The following ZNF469 variants were observed in gnomAD, a reference collection of about 807,000 sequenced individuals.
The protein encoded by ZNF469 is zinc finger protein 469.
In ZNF469, 1 loss-of-function variant was observed where a neutral mutation model predicts 1.0. The observed-to-expected ratio is 1.00, with a 90% CI of 0.35 to 4.73. The LOEUF (loss-of-function observed/expected upper bound fraction) is 4.73. Among genes scored for constraint, ZNF469 ranks in the 30% most tolerant of loss-of-function variants. The probability of loss-of-function intolerance (pLI) is 0.16; values close to 1 mark genes in which losing one functional copy is unlikely to be tolerated. For synonymous variants in ZNF469, 2,703 were observed against 2,363.4 expected (o/e 1.14, Z -4.17); for missense variants, 6,100 against 5,356.3 (o/e 1.14, Z -4.33).
At chr16:88,126,746 C>T in the ZNF469 span, among the ~76,000 whole-genome samples, 301 of 152,006 alleles carry the variant, frequency 2.0e-3, 3 homozygotes, top group African/African-American at 6.8e-3. Context: ...GTCTGTCCCC[C>T]GGGTTCAAGC....
chr16:88,124,004 T>C, the ZNF469 span, among the ~76,000 whole-genome samples: 1 of 152,146 alleles, frequency 6.6e-6, no homozygotes, highest in East Asian at 1.9e-4. Context: ...GGTTTCTCCA[T>C]CTTGGTCAGG....
chr16:88,242,536 C>A, the ZNF469 span, among the ~76,000 whole-genome samples: 1 of 152,216 alleles, frequency 6.6e-6, no homozygotes, highest in African/African-American at 2.4e-5. Context: ...ACCTGAGTCA[C>A]CTCTCTAAGC....
chr16:88,423,894 G>C (rs1282223560), intron 1 of ZNF469, among the ~76,000 whole-genome samples: 1 of 152,264 alleles, frequency 6.6e-6, no homozygotes, highest in Non-Finnish European at 1.5e-5. Flanking sequence ...AGCATATTCT[G>C]TTCATTAGCA....
In ZNF469 at chr16:88,437,230, G is replaced by C; in HGVS notation, c.9760G>C (p.Asp3254His). 2 of 1,549,236 alleles carry C rather than the reference G, an allele frequency of 1.3e-6. No individual in the cohort carries two copies. The highest frequency in any genetic ancestry group is 2.4e-5 in the South Asian group (2 of 84,006). Residue 3254 changes from aspartate (D) to histidine (H), a missense_variant, in exon 3 of 3, where the codon GAC becomes CAC. Asp to His is a moderately conservative substitution (Grantham distance 81). Coordinates refer to ENST00000565624, the MANE Select transcript of ZNF469 (RefSeq NM_001367624.2). ...SAGKAAGSPG[D>H]PWGQEGEAKK... Reference sequence around the variant, plus strand: ...CGGCAAGGCCGCCGGGAGCCCGGGAGACCCGTGGGGGCAAGAGGGAGAAGC... The same window carrying C: ...CGGCAAGGCCGCCGGGAGCCCGGGACACCCGTGGGGGCAAGAGGGAGAAGC...
the ZNF469 span, among the ~76,000 whole-genome samples, chr16:88,246,523 C>T: frequency 3.9e-5 from 6 of 152,230 alleles, no homozygotes; most frequent in Non-Finnish European, 7.3e-5. Flanking sequence ...CACACTCGTT[C>T]TCACACTTCA....
At chr16:88,145,023 T>C in the ZNF469 span, among the ~76,000 whole-genome samples, 88 of 152,072 alleles carry the variant, frequency 5.8e-4, no homozygotes, top group African/African-American at 2.1e-3. Flanking sequence ...CTAATTCTTA[T>C]ATTTTTAGTA....
intron 1 of ZNF469, among the ~76,000 whole-genome samples, chr16:88,393,500 GC>G (rs1193589718): frequency 6.6e-6 from 1 of 152,248 alleles, no homozygotes; most frequent in African/African-American, 2.4e-5. Flanking sequence ...GGCGGGAGGT[GC>G]CTGGGACCCA....
At chr16:88,307,104 A>G in the ZNF469 span, among the ~76,000 whole-genome samples, 4 of 152,156 alleles carry the variant, frequency 2.6e-5, no homozygotes, top group Non-Finnish European at 5.9e-5. Context: ...CATACCACAC[A>G]TGGCCCTTTG....
the ZNF469 span, among the ~76,000 whole-genome samples, chr16:88,163,542 G>A: frequency 6.8e-6 from 1 of 147,818 alleles, no homozygotes; most frequent in Non-Finnish European, 1.5e-5. Context: ...GGATGGATTG[G>A]TAAGTGGGCA....
At chr16:88,160,780 C>A in the ZNF469 span, among the ~76,000 whole-genome samples, 2 of 152,182 alleles carry the variant, frequency 1.3e-5, no homozygotes, top group Admixed American at 1.3e-4. Context: ...TCCCACCCAG[C>A]AGCCTGCGAG....
the ZNF469 span, among the ~76,000 whole-genome samples, chr16:88,142,225 C>T: frequency 4.6e-5 from 7 of 152,316 alleles, no homozygotes; most frequent in Admixed American, 2.0e-4. Context: ...CTGCAAGACC[C>T]GGCTGGGCGG....
chr16:88,354,119 C>T, the ZNF469 span, among the ~76,000 whole-genome samples: 1 of 152,242 alleles, frequency 6.6e-6, no homozygotes, highest in Non-Finnish European at 1.5e-5. Context: ...TCAGTGAATG[C>T]CTGTGGACTC....
chr16:88,149,905 G>C, the ZNF469 span, among the ~76,000 whole-genome samples: 1 of 152,184 alleles, frequency 6.6e-6, no homozygotes, highest in African/African-American at 2.4e-5. Flanking sequence ...TCTCCAGGTG[G>C]ACAGGCATTG....
chr16:88,239,183 A>G, the ZNF469 span, among the ~76,000 whole-genome samples: 7 of 152,272 alleles, frequency 4.6e-5, no homozygotes, highest in Admixed American at 2.6e-4. Context: ...AGTCTCTGCC[A>G]TCGGCTATTC....
In ZNF469 at chr16:88,435,186, G is replaced by A. The variant is rs775513309; in HGVS notation, c.7716G>A (p.Gln2572=). The change falls in exon 3 of 3, where the codon CAG becomes CAA. Residue 2572 remains glutamine (Q), a synonymous_variant. Coordinates refer to ENST00000565624, the MANE Select transcript of ZNF469 (RefSeq NM_001367624.2). ...CACCGGGGTCCCCACACAGCCAGCA[G>A]CTGCACCCTCCAAGCCCTACTGAGC... ...LRAPGSPHSQ[Q]LHPPSPTEHE... is the part of the protein sequence containing the mutation. The A allele has an allele frequency of 3.3e-4, 514 of 1,550,402 alleles. 3 individuals carry two copies. The highest frequency in any genetic ancestry group is 1.6e-3 in the Admixed American group (80 of 51,004).
the ZNF469 span, among the ~76,000 whole-genome samples, chr16:88,272,215 G>C: frequency 8.1e-6 from 1 of 123,954 alleles, no homozygotes; most frequent in Non-Finnish European, 1.8e-5. Flanking sequence ...ATGGATAAAT[G>C]GATGTGTGGA....
the ZNF469 span, among the ~76,000 whole-genome samples, chr16:88,205,224 C>T: frequency 9.9e-5 from 15 of 152,256 alleles, no homozygotes; most frequent in African/African-American, 3.6e-4. The surrounding 1 kb of genome is among the most constrained non-coding windows in gnomAD (Gnocchi z 4.2). Context: ...AATACATGAC[C>T]TCAATCCGCA....
chr16:88,240,514 A>C, the ZNF469 span, among the ~76,000 whole-genome samples: 1 of 152,182 alleles, frequency 6.6e-6, no homozygotes, highest in Non-Finnish European at 1.5e-5. Flanking sequence ...ACCAGGTGCA[A>C]GAATTGAAAA....
the ZNF469 span, among the ~76,000 whole-genome samples, chr16:88,295,951 C>G: frequency 3.9e-5 from 6 of 152,334 alleles, no homozygotes; most frequent in Non-Finnish European, 7.4e-5. Context: ...AGATGTTTGA[C>G]TGTCAATAGA....
Sources: allele counts gnomAD v4.1 joint callset (sites outside exome capture counted in the v4.1 genomes callset), GRCh38; gene constraint gnomAD v4.1.1; non-coding constraint Gnocchi (gnomAD v3.1); transcripts MANE v1.5; gene names NCBI Gene and HGNC (gene_info 2026-07-23, HGNC 2026-07-21).